Variants in RNF130 observed in about 807,000 individuals in gnomAD.
RNF130 encodes the protein ring finger protein 130, also known as E3 ubiquitin-protein ligase RNF130.
A neutral mutation model predicts 44.6 loss-of-function variants in RNF130; 21 were observed. The observed-to-expected ratio is 0.47, with a 90% CI of 0.33 to 0.68. The LOEUF is 0.68. RNF130 is among the 30% of genes least tolerant of loss of function. RNF130 has a pLI of 0.02. For synonymous variants in RNF130, 214 were observed against 210.4 expected, an observed-to-expected ratio of 1.02 and a Z score of -0.15; for missense variants, 479 against 560.6, an observed-to-expected ratio of 0.85 and a Z score of 1.47.
At chr5:180,032,184 T>C (rs1764145205) in intron 2 of RNF130, among the ~76,000 whole-genome samples, 1 of 152,256 alleles carries the variant, frequency 6.6e-6, no homozygotes, top group African/African-American at 2.4e-5. Context: ...TTCTTTTCAA[T>C]GACAAAGGTT....
At chr5:180,012,317 A>C (rs1477300568) in intron 3 of RNF130, among the ~76,000 whole-genome samples, 3 of 152,178 alleles carry the variant, frequency 2.0e-5, no homozygotes, top group Non-Finnish European at 4.4e-5. Context: ...ATCACTCTCC[A>C]AGCAAGTCAC....
chr5:180,040,944 G>A (rs1242087198), intron 1 of RNF130, among the ~76,000 whole-genome samples: 1 of 152,142 alleles, frequency 6.6e-6, no homozygotes. Flanking sequence ...GGTGGTAAAG[G>A]GAGGAGGAAG....
intron 7 of RNF130, among the ~76,000 whole-genome samples, chr5:179,933,131 G>A (rs1761833569): frequency 6.6e-6 from 1 of 152,204 alleles, no homozygotes; most frequent in South Asian, 2.1e-4. Context: ...GACTTGGGAA[G>A]TTCTCCTCTT....
intron 3 of RNF130, among the ~76,000 whole-genome samples, chr5:180,007,986 T>C (rs1438256238): frequency 8.3e-6 from 1 of 120,616 alleles, no homozygotes; most frequent in African/African-American, 3.0e-5. Flanking sequence ...ACAAATCTTT[T>C]AGTTTTTTTT....
At chr5:180,019,379 G>C (rs1763821067) in intron 2 of RNF130, among the ~76,000 whole-genome samples, 1 of 140,548 alleles carries the variant, frequency 7.1e-6, no homozygotes, top group Non-Finnish European at 1.5e-5. Context: ...GCGAGACTCT[G>C]TCTCAAAAAA....
exon 8 of RNF130, chr5:179,915,033 A>G (rs1761521120): frequency 6.6e-6 from 1 of 150,854 alleles, no homozygotes. Flanking sequence ...CCCTGTCTCT[A>G]AATAAAATTA....
intron 3 of RNF130, among the ~76,000 whole-genome samples, chr5:180,011,856 A>C (rs891324352): frequency 1.3e-5 from 2 of 152,198 alleles, no homozygotes; most frequent in Non-Finnish European, 2.9e-5. Flanking sequence ...ATCTGAGTGA[A>C]GGGAATACTT....
chr5:179,975,409 C>T (rs1331504678), intron 5 of RNF130, among the ~76,000 whole-genome samples: 1 of 152,166 alleles, frequency 6.6e-6, no homozygotes, highest in African/African-American at 2.4e-5. Context: ...ACTGCCAGGC[C>T]CACACCCCCA....
intron 1 of RNF130, among the ~76,000 whole-genome samples, chr5:180,054,860 C>T (rs1436680658): frequency 6.6e-6 from 1 of 152,128 alleles, no homozygotes; most frequent in Non-Finnish European, 1.5e-5. Context: ...TTCCTTGCAA[C>T]AGTGCTTTGC....
At chr5:180,000,616 A>C (rs975562818) in intron 3 of RNF130, among the ~76,000 whole-genome samples, 1 of 152,004 alleles carries the variant, frequency 6.6e-6, no homozygotes, top group Non-Finnish European at 1.5e-5. Flanking sequence ...TGACTTGTTA[A>C]TTTCAAATAA....
exon 8 of RNF130, chr5:179,919,861 C>G (rs1449947097): frequency 6.5e-6 from 1 of 154,322 alleles, no homozygotes; most frequent in Non-Finnish European, 1.4e-5. Context: ...GGGGAACATC[C>G]AGAGCCAGGT....
chr5:180,047,840 C>T (rs1417581136), intron 1 of RNF130, among the ~76,000 whole-genome samples: 13 of 152,204 alleles, frequency 8.5e-5, no homozygotes, highest in Non-Finnish European at 1.5e-4. Context: ...CGTCCCACTT[C>T]CTCCAGGCTT....
Position 180,015,475 on chromosome 5 carries a change from A to T in RNF130, c.443-2164T>A, listed in dbSNP as rs563185232. 34 of 382,128 alleles carry T rather than the reference A, an allele frequency of 8.9e-5. 1 individual carries two copies. The highest frequency in any genetic ancestry group is 6.9e-4 in the African/African-American group (33 of 48,050). The allele number at this position is 382,128 out of a possible 1,614,324, so 23.7% of individuals were successfully genotyped here. A position where few individuals can be genotyped will look rare whatever the true frequency, so the allele number is the denominator to read the frequency against. On this transcript the variant is annotated intron_variant, in intron 2 of 8. Transcript: ENST00000521389. ...GAGTAGGGAAAGGAGTAGGGAAAGG[A>T]GTAGGGAAAGGAGTAGGAAAGGAGT...
chr5:179,951,524 C>T (rs964677873), downstream of RNF130, among the ~76,000 whole-genome samples: 3 of 152,036 alleles, frequency 2.0e-5, no homozygotes, highest in African/African-American at 7.2e-5. Context: ...GCTGGGACTA[C>T]AGGCGCCCGC....
At chr5:179,950,760 A>G (rs909737941), downstream of RNF130, among the ~76,000 whole-genome samples, 2 of 152,224 alleles carry the variant, frequency 1.3e-5, no homozygotes, top group African/African-American at 4.8e-5. Flanking sequence ...TGTGAAAAGA[A>G]AGCACATTAA....
At chr5:179,975,663 C>G (rs2081220503) in intron 5 of RNF130, among the ~76,000 whole-genome samples, 1 of 152,144 alleles carries the variant, frequency 6.6e-6, no homozygotes, top group Non-Finnish European at 1.5e-5. Context: ...CTCAGTTCCA[C>G]AGCAACAGGG....
intron 2 of RNF130, among the ~76,000 whole-genome samples, chr5:180,016,308 G>T (rs1763729693): frequency 6.6e-6 from 1 of 151,608 alleles, no homozygotes; most frequent in African/African-American, 2.4e-5. Flanking sequence ...TCAGACACTT[G>T]ACTTTTAAGG....
intron 2 of RNF130, among the ~76,000 whole-genome samples, chr5:180,014,761 G>A (rs531313218): frequency 7.2e-5 from 11 of 152,316 alleles, no homozygotes; most frequent in African/African-American, 2.6e-4. Context: ...CAGGGCAGGT[G>A]GATTGCTTGA....
intron 1 of RNF130, among the ~76,000 whole-genome samples, chr5:180,049,428 AAC>A (rs1227065878): frequency 1.3e-5 from 2 of 152,202 alleles, no homozygotes; most frequent in Non-Finnish European, 2.9e-5. Context: ...TTTATTTATA[AAC>A]ACAGATAACA....
Sources: gnomAD v4.1 joint callset for allele counts (sites outside exome capture counted in the v4.1 genomes callset) on GRCh38, gnomAD v4.1.1 for gene constraint, MANE v1.5 for transcripts, NCBI Gene and HGNC (gene_info 2026-07-23, HGNC 2026-07-21) for gene names.